NCMAP: variants seen among roughly 807,000 people sequenced by gnomAD.
NCMAP encodes noncompact myelin-associated protein.
Under a neutral mutation model 7.8 loss-of-function variants are expected in NCMAP, and 8 were observed. That is an observed-to-expected ratio of 1.02 (90% CI 0.60 to 1.84). The LOEUF (loss-of-function observed/expected upper bound fraction) is 1.84, where lower values mean the gene tolerates loss of function less well. NCMAP is among the 40% of genes most tolerant of loss of function. The probability of loss-of-function intolerance (pLI) is 0.00; values close to 1 mark genes in which losing one functional copy is unlikely to be tolerated. For missense variants in NCMAP, 112 were observed against 131.4 expected (o/e 0.85, Z 0.72); for synonymous variants, 41 against 52.9 (o/e 0.78, Z 0.98).
At chr1:24,558,760 G>T (rs1321835152) in intron 1 of NCMAP, among the ~76,000 whole-genome samples, 2 of 152,158 alleles carry the variant, frequency 1.3e-5, no homozygotes, top group Non-Finnish European at 2.9e-5. Context: ...GATGTTCAGG[G>T]TCACGTAGAG....
rs1469949558 is a variant in NCMAP, at chr1:24,605,906, T to C, written c.*159T>C. On this transcript the variant is annotated 3_prime_UTR_variant, in exon 4 of 4. Coordinates refer to ENST00000374392, the MANE Select transcript of NCMAP (RefSeq NM_001010980.5). ...TGATGCTTCCAGCAATCCTCAACCT[T>C]GTCTGCCCTGCCCTACCCCAACTGT... The C allele has an allele frequency of 1.2e-6, 1 of 847,138 alleles. No individual in the cohort carries two copies. The highest frequency in any genetic ancestry group is 1.7e-5 in the African/African-American group (1 of 57,972). 52.5% of individuals were successfully genotyped at this position (847,138 alleles called of 1,614,324 possible).
At chr1:24,594,975 T>G (rs558864196) in intron 1 of NCMAP, among the ~76,000 whole-genome samples, 2 of 152,298 alleles carry the variant, frequency 1.3e-5, no homozygotes, top group East Asian at 3.9e-4. Context: ...GTAAAGCCTT[T>G]GAAAGTAGGA....
rs367766606 is a variant in NCMAP at position 24,574,275 on chromosome 1, T to C, written c.-8+18106T>C. Among the ~76,000 whole-genome samples the C allele has an allele frequency of 4.0e-5, 6 of 150,716 alleles. No individual in the cohort carries two copies. In the South Asian group the frequency reaches 1.0e-3, roughly 26 times the overall value. On this transcript the variant is annotated intron_variant, in intron 1 of 3. Coordinates refer to ENST00000374392, the MANE Select transcript of NCMAP (RefSeq NM_001010980.5). The stretch of plus-strand genomic sequence containing the variant: ...CTGGAATTACAGGTGCGTGCCACCA[T>C]GCCCAGCTAATTTTTGTACTTTTAG...
At chr1:24,569,468 A>G (rs1457314081) in intron 1 of NCMAP, among the ~76,000 whole-genome samples, 2 of 150,180 alleles carry the variant, frequency 1.3e-5, no homozygotes, top group Non-Finnish European at 2.9e-5. Context: ...TCCCAGCTAG[A>G]CTGGCATTCT....
intron 3 of NCMAP, 109 bp from the exon 4 acceptor site, chr1:24,605,497 G>GTCTACATTAA: frequency 3.1e-6 from 4 of 1,301,178 alleles, no homozygotes; most frequent in Non-Finnish European, 4.2e-6. Context: ...GTGATTTAAT[G>GTCTACATTAA]TCTACATTAA....
At chr1:24,604,426 G>C (rs1359646791) in intron 3 of NCMAP, among the ~76,000 whole-genome samples, 1 of 148,464 alleles carries the variant, frequency 6.7e-6, no homozygotes, top group Non-Finnish European at 1.5e-5. Flanking sequence ...AATACAAAAA[G>C]TTAGCCAGGC....
At chr1:24,577,465 G>A (rs1651620297) in intron 1 of NCMAP, among the ~76,000 whole-genome samples, 1 of 128,256 alleles carries the variant, frequency 7.8e-6, no homozygotes, top group Admixed American at 8.7e-5. Context: ...TGTAGAGATG[G>A]GTTCTCACTA....
rs1651844580 is a variant in NCMAP, at chr1:24,585,104, G to A, written c.-7-10320G>A. The stretch of plus-strand genomic sequence containing the variant: ...ACATGTTCAGTATGTAATTGTGTAT[G>A]GCCTCCAGTTCAGGGGAGCACACGG... On this transcript the variant is annotated intron_variant, in intron 1 of 3. Coordinates refer to ENST00000374392, the MANE Select transcript of NCMAP (RefSeq NM_001010980.5). Among the ~76,000 whole-genome samples the A allele has an allele frequency of 2.0e-5, 3 of 152,112 alleles. No homozygotes were observed. The South Asian group carries it at 6.2e-4, about 32-fold the overall frequency.
Position 24,572,893 on chromosome 1 carries a change from A to G in NCMAP, c.-8+16724A>G, listed in dbSNP as rs191474779. On this transcript the variant is annotated intron_variant, in intron 1 of 3. Coordinates refer to ENST00000374392, the MANE Select transcript of NCMAP (RefSeq NM_001010980.5). Reference sequence around the variant, plus strand: ...CCAATCCTGCCCCAGTAGCTCTGTGATTTTGGACGATTTACTCAGTCTCTC... The same window carrying G: ...CCAATCCTGCCCCAGTAGCTCTGTGGTTTTGGACGATTTACTCAGTCTCTC... 1.9e-4 allele frequency among the ~76,000 whole-genome samples: 29 copies of G among 150,660 alleles called. No homozygotes were observed. The Middle Eastern group carries it at 0.014, about 71-fold the overall frequency.
In NCMAP at chr1:24,579,169, G is replaced by T. The variant is rs191268856; in HGVS notation, c.-7-16255G>T. Among the ~76,000 whole-genome samples the T allele has an allele frequency of 2.9e-4, 43 of 149,502 alleles. No individual in the cohort carries two copies. In the East Asian group the frequency reaches 5.9e-3, roughly 21 times the overall value. On this transcript the variant is annotated intron_variant, in intron 1 of 3. Coordinates refer to ENST00000374392, the MANE Select transcript of NCMAP (RefSeq NM_001010980.5). ...TGGGTGCATCCTCCAGGGGCTTCCT[G>T]GGAAAAGGTGCATGGGGTAGGGTGG... is the stretch of plus-strand genomic sequence containing the variant.
intron 1 of NCMAP, among the ~76,000 whole-genome samples, chr1:24,565,199 C>G (rs1366702992): frequency 6.7e-6 from 1 of 148,756 alleles, no homozygotes; most frequent in African/African-American, 2.5e-5. Context: ...TACTGCAAAA[C>G]TGGCCAGACT....
intron 1 of NCMAP, among the ~76,000 whole-genome samples, chr1:24,561,986 C>T (rs1651068302): frequency 6.6e-6 from 1 of 151,806 alleles, no homozygotes; most frequent in Admixed American, 6.6e-5. Flanking sequence ...ATCTGAACAC[C>T]TTTAATGATA....
At chr1:24,580,820 C>T (rs1223682898) in intron 1 of NCMAP, among the ~76,000 whole-genome samples, 1 of 152,222 alleles carries the variant, frequency 6.6e-6, no homozygotes, top group Non-Finnish European at 1.5e-5. Flanking sequence ...TCACCACTCA[C>T]TCCTGAGTCT....
chr1:24,580,779 C>T (rs1651720137), intron 1 of NCMAP, among the ~76,000 whole-genome samples: 1 of 152,170 alleles, frequency 6.6e-6, no homozygotes, highest in African/African-American at 2.4e-5. Flanking sequence ...TGTTTAGCCC[C>T]ACCTGGCACC....
At chr1:24,595,625 C>A in intron 2 of NCMAP, 113 bp downstream of exon 2, 1 of 720,418 alleles carries the variant, frequency 1.4e-6, no homozygotes, top group Non-Finnish European at 2.3e-6. Context: ...GGTCTCAGGC[C>A]CAGTTCTGCC....
At chr1:24,604,353 T>C (rs9727020) in intron 3 of NCMAP, among the ~76,000 whole-genome samples, 8,048 of 151,498 alleles carry the variant, frequency 0.053, 732 homozygotes, top group African/African-American at 0.19. Context: ...GGCAGGTGGA[T>C]TGCTTGAATC....
intron 1 of NCMAP, among the ~76,000 whole-genome samples, chr1:24,590,492 G>A (rs887591193): frequency 6.6e-5 from 10 of 152,316 alleles, no homozygotes; most frequent in East Asian, 3.9e-4. Context: ...TACCCTTCAC[G>A]TACTGAGGCA....
intron 1 of NCMAP, among the ~76,000 whole-genome samples, chr1:24,563,454 G>A (rs1049252804): frequency 5.3e-5 from 8 of 151,670 alleles, no homozygotes; most frequent in Admixed American, 2.6e-4. Context: ...CCTGGGAGGC[G>A]GAGGTTGCGG....
chr1:24,600,285 G>A (rs1459450873), intron 2 of NCMAP, among the ~76,000 whole-genome samples: 1 of 151,964 alleles, frequency 6.6e-6, no homozygotes, highest in African/African-American at 2.4e-5. Context: ...CAAGTAGCTG[G>A]CACTACAGGT....
Sources: allele counts gnomAD v4.1 joint callset (sites outside exome capture counted in the v4.1 genomes callset), GRCh38; gene constraint gnomAD v4.1.1; transcripts MANE v1.5; gene names NCBI Gene and HGNC (gene_info 2026-07-23, HGNC 2026-07-21).